The following PDE3B variants were observed in gnomAD, a reference collection of about 807,000 sequenced individuals.
PDE3B encodes phosphodiesterase 3B.
In PDE3B, 66 loss-of-function variants were observed where a neutral mutation model predicts 116.8. That is an observed-to-expected ratio of 0.56 (90% CI 0.46 to 0.69). The LOEUF (loss-of-function observed/expected upper bound fraction) is 0.69. Among genes scored for constraint, PDE3B ranks in the 30% least tolerant of loss-of-function variants. The pLI is 0.00. For missense variants in PDE3B, 1,384 were observed against 1,368.1 expected (o/e 1.01, Z -0.18); for synonymous variants, 595 against 533.6 (o/e 1.12, Z -1.59).
At chr11:14,746,758 C>G (rs1856919962) in intron 1 of PDE3B, among the ~76,000 whole-genome samples, 1 of 152,016 alleles carries the variant, frequency 6.6e-6, no homozygotes, top group Non-Finnish European at 1.5e-5. Flanking sequence ...AGAGTATGAC[C>G]CAGAAAGCAT....
intron 1 of PDE3B, among the ~76,000 whole-genome samples, chr11:14,657,726 G>C (rs1479522263): frequency 1.3e-5 from 2 of 152,166 alleles, no homozygotes; most frequent in Non-Finnish European, 2.9e-5. Context: ...ATCACATAAT[G>C]TCATTATTCT....
At chr11:14,678,069 C>T (rs575702150) in intron 1 of PDE3B, among the ~76,000 whole-genome samples, 15 of 152,208 alleles carry the variant, frequency 9.9e-5, no homozygotes, top group African/African-American at 3.6e-4. Context: ...GCTGGGATTA[C>T]AGGCATGCAC....
chr11:14,828,392 A>C (rs1022704148), intron 7 of PDE3B, among the ~76,000 whole-genome samples: 2 of 152,208 alleles, frequency 1.3e-5, no homozygotes, highest in African/African-American at 2.4e-5. Flanking sequence ...CAACCTATGG[A>C]AAGGGAGAAA....
At chr11:14,890,965 C>A in the PDE3B span, 1 of 985,420 alleles carries the variant, frequency 1.0e-6, no homozygotes, top group Non-Finnish European at 1.2e-6. Flanking sequence ...CAGCCTGTGG[C>A]CGATAATGAG....
intron 14 of PDE3B, among the ~76,000 whole-genome samples, chr11:14,867,168 G>A (rs889701392): frequency 6.6e-5 from 10 of 151,868 alleles, no homozygotes; most frequent in Admixed American, 4.6e-4. Flanking sequence ...TTTCTATTAT[G>A]CTTTTGCCCC....
At chr11:14,776,256 A>C (rs924302074) in intron 2 of PDE3B, 3 of 152,232 alleles carry the variant, frequency 2.0e-5, no homozygotes, top group Non-Finnish European at 2.9e-5. Context: ...ATTTGGAACC[A>C]CTGGCAATCA....
intron 1 of PDE3B, among the ~76,000 whole-genome samples, chr11:14,761,750 A>G (rs926728423): frequency 6.6e-6 from 1 of 152,110 alleles, no homozygotes; most frequent in Non-Finnish European, 1.5e-5. Flanking sequence ...TTTAATCACA[A>G]TTACCATGAC....
At chr11:14,713,345 T>C (rs958366734) in intron 1 of PDE3B, among the ~76,000 whole-genome samples, 3 of 152,200 alleles carry the variant, frequency 2.0e-5, no homozygotes, top group African/African-American at 7.2e-5. Context: ...GGTCAAATAT[T>C]ATTCTGAGTT....
rs1461310185 is a variant in PDE3B, at chr11:14,644,225, C to T, written c.150C>T (p.His50=). ...ACCCTCCGCGCGGCTTCTTCTTCCA[C>T]CTCTGCCGCTTCTGCAACGTGGAGC... ...RQDPPRGFFF[H]LCRFCNVELR... The change falls in exon 1 of 16, where the codon CAC becomes CAT. Residue 50 remains histidine, a synonymous_variant. Transcript: ENST00000282096. 1.3e-6 allele frequency: 2 copies of T among 1,589,568 alleles called. No individual in the cohort carries two copies.
At chr11:14,757,550 C>T (rs1401821461) in intron 1 of PDE3B, among the ~76,000 whole-genome samples, 4 of 142,998 alleles carry the variant, frequency 2.8e-5, no homozygotes, top group Non-Finnish European at 4.6e-5. Context: ...TCTCTGATGG[C>T]CAGTGATGAT....
chr11:14,805,424 T>G (rs1017277322), intron 5 of PDE3B, among the ~76,000 whole-genome samples: 4 of 151,334 alleles, frequency 2.6e-5, no homozygotes, highest in African/African-American at 9.8e-5. Flanking sequence ...GGAATAAAAA[T>G]TTTTTTTAGT....
chr11:14,746,094 A>G (rs1363647556), intron 1 of PDE3B, among the ~76,000 whole-genome samples: 1 of 152,240 alleles, frequency 6.6e-6, no homozygotes, highest in Non-Finnish European at 1.5e-5. Context: ...TGAAATGTCT[A>G]ACGAGAGCCT....
intron 1 of PDE3B, among the ~76,000 whole-genome samples, chr11:14,756,137 A>G (rs549238514): frequency 1.2e-4 from 18 of 152,334 alleles, no homozygotes; most frequent in African/African-American, 4.1e-4. Context: ...CTCATTTTCC[A>G]TCTAGTGTTC....
chr11:14,886,045 T>C, the PDE3B span: 3 of 866,620 alleles, frequency 3.5e-6, no homozygotes, highest in Non-Finnish European at 5.6e-6. Context: ...TAGGCAGTTA[T>C]TACTCAACTG....
At chr11:14,725,572 C>T (rs1856280118) in intron 1 of PDE3B, among the ~76,000 whole-genome samples, 2 of 89,708 alleles carry the variant, frequency 2.2e-5, no homozygotes, top group Admixed American at 2.3e-4. Flanking sequence ...TATTCTCTCC[C>T]CTCTCCCTCC....
At chr11:14,823,554 C>T (rs1047158102) in intron 7 of PDE3B, among the ~76,000 whole-genome samples, 1 of 152,086 alleles carries the variant, frequency 6.6e-6, no homozygotes, top group African/African-American at 2.4e-5. Flanking sequence ...GGTCCTCAAC[C>T]CTATTTCTCC....
the PDE3B span, among the ~76,000 whole-genome samples, chr11:14,897,756 C>T: frequency 2.0e-5 from 3 of 152,170 alleles, no homozygotes; most frequent in East Asian, 3.9e-4. Flanking sequence ...CAGGAATACC[C>T]GGCTTTCTAA....
At chr11:14,804,871 T>C (rs1486055298) in intron 5 of PDE3B, among the ~76,000 whole-genome samples, 2 of 152,128 alleles carry the variant, frequency 1.3e-5, no homozygotes, top group Admixed American at 6.5e-5. Context: ...GAAATGCACT[T>C]GATTAAATTA....
intron 2 of PDE3B, among the ~76,000 whole-genome samples, chr11:14,780,938 A>C (rs1188129753): frequency 2.0e-5 from 3 of 151,822 alleles, no homozygotes; most frequent in Non-Finnish European, 4.4e-5. Context: ...TAAAGAAGAA[A>C]AGAGAAGAAT....
Sources: gnomAD v4.1 joint callset for allele counts (sites outside exome capture counted in the v4.1 genomes callset) on GRCh38, gnomAD v4.1.1 for gene constraint, MANE v1.5 for transcripts, NCBI Gene and HGNC (gene_info 2026-07-23, HGNC 2026-07-21) for gene names.